The following TMEM65 variants were observed in gnomAD, a reference collection of about 807,000 sequenced individuals.
TMEM65 encodes the protein transmembrane protein 65.
A neutral mutation model predicts 25.4 loss-of-function variants in TMEM65; 22 were observed. That is an observed-to-expected ratio of 0.86 (90% CI 0.62 to 1.23). The LOEUF (loss-of-function observed/expected upper bound fraction) is 1.23, where lower values mean the gene tolerates loss of function less well. TMEM65 is among the 50% of genes most tolerant of loss of function. TMEM65 has a pLI of 0.00. For missense variants in TMEM65, 262 were observed against 308.2 expected, an observed-to-expected ratio of 0.85 and a Z score of 1.12; for synonymous variants, 132 against 126.2, an observed-to-expected ratio of 1.05 and a Z score of -0.31.
chr8:124,354,544 C>T (rs544824620), intron 1 of TMEM65, among the ~76,000 whole-genome samples: 6 of 152,278 alleles, frequency 3.9e-5, no homozygotes, highest in African/African-American at 9.6e-5. Context: ...AATGCTGCCT[C>T]GCTCAGGGAT....
At chr8:124,368,055 GTC>G (rs1477747698) in intron 1 of TMEM65, among the ~76,000 whole-genome samples, 2 of 151,634 alleles carry the variant, frequency 1.3e-5, no homozygotes, top group Non-Finnish European at 2.9e-5. Flanking sequence ...GCCAGTTCTT[GTC>G]TCTCTGTGTA....
intron 1 of TMEM65, among the ~76,000 whole-genome samples, chr8:124,338,334 A>G (rs1459297230): frequency 1.5e-5 from 2 of 137,922 alleles, no homozygotes; most frequent in Admixed American, 1.5e-4. Context: ...CTGCTCTGAA[A>G]ATTCCTTAGA....
intron 1 of TMEM65, among the ~76,000 whole-genome samples, chr8:124,344,533 T>G (rs1269736572): frequency 6.6e-6 from 1 of 152,194 alleles, no homozygotes; most frequent in Non-Finnish European, 1.5e-5. Flanking sequence ...CTCTGCTGTC[T>G]GAACAAAGAA....
chr8:124,336,210 C>T lies in TMEM65; in HGVS notation c.305-5418G>A, dbSNP rs182749429. Reference sequence around the variant, plus strand: ...TGCCTAATAACAGAATTTCATAATGCACGATGCTGAATCTAACAGAATTAA... The same window carrying T: ...TGCCTAATAACAGAATTTCATAATGTACGATGCTGAATCTAACAGAATTAA... On this transcript the variant is annotated intron_variant, in intron 1 of 6. Transcript: ENST00000297632. Among the ~76,000 whole-genome samples the T allele has an allele frequency of 9.5e-3, 1,442 of 152,064 alleles. 31 individuals carry two copies. The highest frequency in any genetic ancestry group is 0.017 in the Middle Eastern group (5 of 294).
At chr8:124,316,366 G>A (rs1480886762) in intron 6 of TMEM65, among the ~76,000 whole-genome samples, 1 of 152,142 alleles carries the variant, frequency 6.6e-6, no homozygotes, top group Admixed American at 6.5e-5. Context: ...ATACACCTGT[G>A]TCAACTGGAA....
At chr8:124,354,502 T>C (rs889213485) in intron 1 of TMEM65, among the ~76,000 whole-genome samples, 1 of 152,132 alleles carries the variant, frequency 6.6e-6, no homozygotes, top group African/African-American at 2.4e-5. Flanking sequence ...CCCTCAACAA[T>C]CAGTCATCTT....
rs946126739 is a variant in TMEM65, at chr8:124,309,269, T to C, written c.*4691A>G. On this transcript the variant is annotated 3_prime_UTR_variant, in exon 7 of 7. Coordinates refer to ENST00000297632, the MANE Select transcript of TMEM65 (RefSeq NM_194291.3). ...GTTTGGAGAGAGTAAAAAGTTGTATTCAGATTTTCAGCAGCACAGGGGGTT... is the reference window on the plus strand; with the variant it reads ...GTTTGGAGAGAGTAAAAAGTTGTATCCAGATTTTCAGCAGCACAGGGGGTT... 1 of 152,214 alleles carries C rather than the reference T, an allele frequency of 6.6e-6. No homozygotes were observed. The highest frequency in any genetic ancestry group is 2.4e-5 in the African/African-American group (1 of 41,446). The allele number at this position is 152,214 out of a possible 1,614,324, so 9.4% of individuals were successfully genotyped here.
rs146377949 is a variant in TMEM65, at chr8:124,313,298, G to A, written c.*662C>T. The A allele has an allele frequency of 3.9e-5, 6 of 151,972 alleles. No individual in the cohort carries two copies. The highest frequency in any genetic ancestry group is 1.9e-4 in the East Asian group (1 of 5,192). The allele number at this position is 151,972 out of a possible 1,614,324, so 9.4% of individuals were successfully genotyped here. On this transcript the variant is annotated 3_prime_UTR_variant, in exon 7 of 7. Coordinates refer to ENST00000297632, the MANE Select transcript of TMEM65 (RefSeq NM_194291.3). ...AAATTGTACGCTTGTTAGTATACAC[G>A]GTTTCATGTAGCAGGGAGACCACAT...
intron 2 of TMEM65, among the ~76,000 whole-genome samples, chr8:124,327,671 A>AACACAC (rs71289656): frequency 3.9e-3 from 580 of 148,720 alleles, no homozygotes; most frequent in Middle Eastern, 6.8e-3. Context: ...TCTTACTGGT[A>AACACAC]ACACACACAC....
chr8:124,320,239 G>C (rs1287408666), intron 5 of TMEM65, 48 bp from the exon 6 acceptor site: 1 of 1,441,806 alleles, frequency 6.9e-7, no homozygotes, highest in Admixed American at 2.1e-5. Flanking sequence ...TTTCAATAAA[G>C]CCTTTACAAA....
chr8:124,364,685 T>C (rs553387701), intron 1 of TMEM65, among the ~76,000 whole-genome samples: 20 of 152,298 alleles, frequency 1.3e-4, no homozygotes, highest in Middle Eastern at 3.4e-3. Context: ...TTACCTACAG[T>C]CTTTTATCTA....
intron 1 of TMEM65, among the ~76,000 whole-genome samples, chr8:124,353,545 T>A (rs77496521): frequency 2.1e-3 from 321 of 152,268 alleles, no homozygotes; most frequent in Non-Finnish European, 3.2e-3. Flanking sequence ...CTAATAGTTA[T>A]GAGCACACCT....
intron 2 of TMEM65, among the ~76,000 whole-genome samples, chr8:124,329,565 TACAA>T (rs1263776613): frequency 1.3e-5 from 2 of 152,002 alleles, no homozygotes; most frequent in African/African-American, 4.8e-5. Context: ...GGCACTCTGT[TACAA>T]ACAATCACTT....
chr8:124,361,722 G>A (rs1382065852), intron 1 of TMEM65, among the ~76,000 whole-genome samples: 1 of 151,474 alleles, frequency 6.6e-6, no homozygotes, highest in African/African-American at 2.4e-5. Context: ...TGTAATCCCA[G>A]CTACTCAGCA....
chr8:124,343,395 G>T (rs1190215794), intron 1 of TMEM65, among the ~76,000 whole-genome samples: 2 of 152,022 alleles, frequency 1.3e-5, no homozygotes, highest in Admixed American at 1.3e-4. Context: ...TTATCATCAG[G>T]TAAAAGAAGC....
intron 6 of TMEM65, among the ~76,000 whole-genome samples, chr8:124,314,833 T>C (rs1360608253): frequency 1.3e-5 from 2 of 151,658 alleles, no homozygotes; most frequent in Non-Finnish European, 2.9e-5. Context: ...ATAATTTTGT[T>C]ACTTTTATTA....
intron 3 of TMEM65, among the ~76,000 whole-genome samples, chr8:124,323,656 T>C (rs1016204382): frequency 6.6e-6 from 1 of 152,112 alleles, no homozygotes; most frequent in Admixed American, 6.6e-5. Flanking sequence ...AAATCTAGAA[T>C]TTCTATTTTT....
rs374249412 is a variant in TMEM65, at chr8:124,367,389, G to A, written c.304+4465C>T. 8.5e-5 allele frequency among the ~76,000 whole-genome samples: 13 copies of A among 152,196 alleles called. No individual in the cohort carries two copies. The East Asian group carries it at 1.7e-3, about 20-fold the overall frequency. On this transcript the variant is annotated intron_variant, in intron 1 of 6. Transcript: ENST00000297632. The stretch of plus-strand genomic sequence containing the variant: ...CTCAGGAGGCTGAGGCAGGAGAATC[G>A]CTTGAACCTGGGAGATGGAGTTGCA...
intron 1 of TMEM65, among the ~76,000 whole-genome samples, chr8:124,358,901 G>C (rs938193674): frequency 1.3e-5 from 2 of 152,158 alleles, no homozygotes; most frequent in African/African-American, 4.8e-5. Context: ...AAAGCTCCAT[G>C]GATGTATGTT....
Sources: allele counts gnomAD v4.1 joint callset (sites outside exome capture counted in the v4.1 genomes callset), GRCh38; gene constraint gnomAD v4.1.1; transcripts MANE v1.5; gene names NCBI Gene and HGNC (gene_info 2026-07-23, HGNC 2026-07-21).